Variants in DYNC1I1 observed in about 807,000 individuals in gnomAD.
DYNC1I1 encodes dynein cytoplasmic 1 intermediate chain 1.
A neutral mutation model predicts 86.6 loss-of-function variants in DYNC1I1; 43 were observed. That is an observed-to-expected ratio of 0.50 (90% CI 0.39 to 0.64). The LOEUF (loss-of-function observed/expected upper bound fraction) is 0.64. Among genes scored for constraint, DYNC1I1 ranks in the 30% least tolerant of loss-of-function variants. The pLI is 0.00. For synonymous variants in DYNC1I1, 262 were observed against 283.7 expected (o/e 0.92, Z 0.77); for missense variants, 604 against 788.8 (o/e 0.77, Z 2.81).
At chr7:95,777,482 G>C (rs1793872757) in intron 1 of DYNC1I1, among the ~76,000 whole-genome samples, 1 of 152,158 alleles carries the variant, frequency 6.6e-6, no homozygotes, top group African/African-American at 2.4e-5. Context: ...TCCTGGGAGG[G>C]GCACTACTTA....
At chr7:95,941,131 A>G (rs534917464) in intron 6 of DYNC1I1, among the ~76,000 whole-genome samples, 1 of 152,288 alleles carries the variant, frequency 6.6e-6, no homozygotes, top group African/African-American at 2.4e-5. Flanking sequence ...TGAACCGCCT[A>G]TGCTGCTGTC....
chr7:95,844,257 G>C (rs1187957334), intron 5 of DYNC1I1, among the ~76,000 whole-genome samples: 1 of 152,142 alleles, frequency 6.6e-6, no homozygotes, highest in Non-Finnish European at 1.5e-5. Context: ...TTACGTATTA[G>C]TATATCAAAC....
At chr7:95,978,820 CAG>C (rs1261094445) in intron 7 of DYNC1I1, among the ~76,000 whole-genome samples, 2 of 150,922 alleles carry the variant, frequency 1.3e-5, no homozygotes, top group African/African-American at 4.9e-5. Flanking sequence ...TTTTTTGAGA[CAG>C]AGTCTCACTC....
rs1759527730 is a variant in DYNC1I1 at position 95,900,961 on chromosome 7, T to C, written c.490+30963T>C. ...GGAATAAGAAGAAAATATTAAAAGG[T>C]CCTTTAATTTCTTATTTGGTTGTTT... On this transcript the variant is annotated intron_variant, in intron 6 of 16. Coordinates refer to ENST00000447467, the MANE Select transcript of DYNC1I1 (RefSeq NM_001135556.2). Among the ~76,000 whole-genome samples, 4 of 152,204 alleles carry C rather than the reference T, an allele frequency of 2.6e-5. No individual in the cohort carries two copies. The South Asian group carries it at 8.3e-4, about 31-fold the overall frequency.
intron 5 of DYNC1I1, among the ~76,000 whole-genome samples, chr7:95,837,801 G>T (rs1269409055): frequency 2.0e-5 from 3 of 152,280 alleles, no homozygotes; most frequent in African/African-American, 7.2e-5. Flanking sequence ...CTTCCCCAGT[G>T]AGGCAATGCC....
At chr7:95,811,317 G>T (rs976515882) in intron 3 of DYNC1I1, among the ~76,000 whole-genome samples, 1 of 151,896 alleles carries the variant, frequency 6.6e-6, no homozygotes, top group African/African-American at 2.4e-5. Flanking sequence ...ATCCAATATA[G>T]TTAAAAACCC....
chr7:96,104,053 A>G (rs1364647856), intron 16 of DYNC1I1, among the ~76,000 whole-genome samples: 1 of 152,106 alleles, frequency 6.6e-6, no homozygotes, highest in Admixed American at 6.5e-5. Flanking sequence ...GATTTTGAGC[A>G]TGTTTCGTGT....
intron 5 of DYNC1I1, among the ~76,000 whole-genome samples, chr7:95,850,907 A>G (rs993528822): frequency 1.3e-5 from 2 of 152,166 alleles, no homozygotes; most frequent in African/African-American, 4.8e-5. Flanking sequence ...TTATTAAGTA[A>G]AATAAGGGTT....
intron 4 of DYNC1I1, among the ~76,000 whole-genome samples, chr7:95,823,619 G>A (rs925118773): frequency 2.0e-5 from 3 of 151,988 alleles, no homozygotes; most frequent in African/African-American, 7.3e-5. Flanking sequence ...CTGCCGGGTA[G>A]GGGAAGCTGT....
intron 4 of DYNC1I1, among the ~76,000 whole-genome samples, chr7:95,823,080 A>G (rs1301499253): frequency 3.3e-5 from 5 of 152,322 alleles, no homozygotes; most frequent in Middle Eastern, 3.4e-3. Flanking sequence ...TTAGGCTTAT[A>G]TATTTGTCTG....
At chr7:95,864,318 G>A (rs1789964931) in intron 5 of DYNC1I1, among the ~76,000 whole-genome samples, 1 of 152,222 alleles carries the variant, frequency 6.6e-6, no homozygotes, top group Non-Finnish European at 1.5e-5. Context: ...AACCTGGGTG[G>A]ATTGGACTAT....
chr7:95,874,416 T>C (rs979358713), intron 6 of DYNC1I1, among the ~76,000 whole-genome samples: 3 of 152,172 alleles, frequency 2.0e-5, no homozygotes, highest in South Asian at 2.1e-4. Context: ...TGAGAAGATA[T>C]GAGATACTTG....
intron 7 of DYNC1I1, among the ~76,000 whole-genome samples, chr7:95,984,067 C>T (rs1340159415): frequency 6.6e-6 from 1 of 152,128 alleles, no homozygotes; most frequent in African/African-American, 2.4e-5. Context: ...GGTGAGCTCA[C>T]TTTCAGAAAC....
At chr7:95,887,548 T>C (rs1358044154) in intron 6 of DYNC1I1, among the ~76,000 whole-genome samples, 4 of 152,154 alleles carry the variant, frequency 2.6e-5, no homozygotes, top group Non-Finnish European at 5.9e-5. Flanking sequence ...TTTTTACCCC[T>C]CTTATAGCAT....
intron 9 of DYNC1I1, among the ~76,000 whole-genome samples, chr7:95,988,067 T>C (rs1793640629): frequency 6.6e-6 from 1 of 152,140 alleles, no homozygotes; most frequent in Non-Finnish European, 1.5e-5. Flanking sequence ...ACCCAAACAA[T>C]CTTTCTAAAA....
chr7:95,817,249 A>G (rs1291123586), intron 4 of DYNC1I1, among the ~76,000 whole-genome samples: 2 of 152,038 alleles, frequency 1.3e-5, no homozygotes, highest in Admixed American at 6.6e-5. Context: ...AATGAACTAT[A>G]TAATTCTGCT....
intron 1 of DYNC1I1, among the ~76,000 whole-genome samples, chr7:95,798,990 G>T (rs991625040): frequency 7.9e-5 from 12 of 152,184 alleles, no homozygotes; most frequent in African/African-American, 2.7e-4. Context: ...GGCAAGAGAA[G>T]ATGTGAAATT....
chr7:95,936,684 A>G (rs1008088753), intron 6 of DYNC1I1, among the ~76,000 whole-genome samples: 1 of 152,004 alleles, frequency 6.6e-6, no homozygotes, highest in African/African-American at 2.4e-5. Context: ...GCAGAGGACA[A>G]TAGTTTGGAA....
chr7:95,813,190 C>T lies in DYNC1I1; in HGVS notation c.224-57C>T, dbSNP rs527396557. On this transcript the variant is annotated intron_variant, in intron 3 of 16. Transcript: ENST00000447467. ...TTTTGATTTGTCTGACACTGCTCTT[C>T]ACCAGTGCAGCCGCTGCATTTTTTA... 131 of 1,609,254 alleles carry T rather than the reference C, an allele frequency of 8.1e-5. 1 individual carries two copies. The South Asian group carries it at 1.4e-3, about 17-fold the overall frequency.
Sources: gnomAD v4.1 joint callset for allele counts (sites outside exome capture counted in the v4.1 genomes callset) on GRCh38, gnomAD v4.1.1 for gene constraint, MANE v1.5 for transcripts, NCBI Gene and HGNC (gene_info 2026-07-23, HGNC 2026-07-21) for gene names.